Variants in NLGN1 observed in about 807,000 individuals in gnomAD.
NLGN1 encodes the protein neuroligin-1.
A neutral mutation model predicts 65.5 loss-of-function variants in NLGN1; 12 were observed. The observed-to-expected ratio is 0.18, with a 90% CI of 0.12 to 0.30. NLGN1 has a LOEUF of 0.30. NLGN1 is among the 10% of genes least tolerant of loss of function. The pLI, the probability that NLGN1 is intolerant of heterozygous loss-of-function variation, is 1.00. For synonymous variants in NLGN1, 350 were observed against 359.5 expected, an observed-to-expected ratio of 0.97 and a Z score of 0.30; for missense variants, 750 against 1,007.1, an observed-to-expected ratio of 0.74 and a Z score of 3.46.
chr3:174,244,186 CTATTTT>C (rs1440147492), intron 4 of NLGN1, among the ~76,000 whole-genome samples: 1 of 152,104 alleles, frequency 6.6e-6, no homozygotes, highest in African/African-American at 2.4e-5. Context: ...TCCAATAAAG[CTATTTT>C]TATTTATTAA....
At chr3:173,999,616 C>T (rs1423864521) in intron 4 of NLGN1, among the ~76,000 whole-genome samples, 3 of 152,102 alleles carry the variant, frequency 2.0e-5, no homozygotes, top group Non-Finnish European at 4.4e-5. Flanking sequence ...TCATTTTTAA[C>T]AAAGTCCTAA....
At chr3:173,766,212 C>T (rs1778769543) in intron 3 of NLGN1, among the ~76,000 whole-genome samples, 2 of 151,850 alleles carry the variant, frequency 1.3e-5, no homozygotes, top group Non-Finnish European at 2.9e-5. Context: ...CCTCAGCCTC[C>T]CGAGTAGGTG....
At chr3:173,908,212 A>G (rs901355529) in intron 4 of NLGN1, among the ~76,000 whole-genome samples, 1 of 152,248 alleles carries the variant, frequency 6.6e-6, no homozygotes, top group African/African-American at 2.4e-5. Flanking sequence ...GTTTGATTGC[A>G]GTAAAAACAT....
At chr3:174,210,970 CCGCGGACCCT>C (rs1236078730) in intron 4 of NLGN1, among the ~76,000 whole-genome samples, 4 of 152,130 alleles carry the variant, frequency 2.6e-5, no homozygotes, top group Admixed American at 6.5e-5. Flanking sequence ...AAGAATGAAG[CCGCGGACCCT>C]CGCGGTGAGT....
At chr3:173,561,567 ATGGC>A (rs1338174256) in intron 2 of NLGN1, among the ~76,000 whole-genome samples, 1 of 152,172 alleles carries the variant, frequency 6.6e-6, no homozygotes, top group Non-Finnish European at 1.5e-5. Context: ...AGAAAACATA[ATGGC>A]AAAAATTAAA....
At chr3:173,935,453 G>A (rs1330999015) in intron 4 of NLGN1, among the ~76,000 whole-genome samples, 1 of 151,628 alleles carries the variant, frequency 6.6e-6, no homozygotes, top group Non-Finnish European at 1.5e-5. Flanking sequence ...TTACTGCCCT[G>A]CATGTCAGTA....
intron 4 of NLGN1, among the ~76,000 whole-genome samples, chr3:174,238,561 CCA>C (rs1742176324): frequency 6.6e-6 from 1 of 152,120 alleles, no homozygotes; most frequent in Admixed American, 6.5e-5. Context: ...TGGGGTTTTA[CCA>C]CGTTGGCCCG....
In NLGN1 at chr3:173,825,725, T is replaced by A. The variant is rs1304030450; in HGVS notation, c.646+17893T>A. On this transcript the variant is annotated intron_variant, in intron 4 of 6. Coordinates refer to ENST00000457714, the Ensembl canonical transcript of NLGN1. ...TAAGAAATGGTAAAATTAAAATAAC[T>A]ATATTCATCATTTTGATCTTTTATA... Among the ~76,000 whole-genome samples, 4 of 152,094 alleles carry A rather than the reference T, an allele frequency of 2.6e-5. No homozygotes were observed. The East Asian group carries it at 5.8e-4, about 22-fold the overall frequency.
intron 4 of NLGN1, among the ~76,000 whole-genome samples, chr3:174,049,105 GGGA>G: frequency 6.6e-6 from 1 of 152,166 alleles, no homozygotes; most frequent in Admixed American, 6.6e-5. Flanking sequence ...GATTAAAGAA[GGGA>G]GGAGGAGTAA....
chr3:173,447,614 G>A (rs1026417231), intron 2 of NLGN1, among the ~76,000 whole-genome samples: 1 of 152,182 alleles, frequency 6.6e-6, no homozygotes, highest in Non-Finnish European at 1.5e-5. Flanking sequence ...TTGGTAGCTT[G>A]ATGGGGATGG....
intron 3 of NLGN1, among the ~76,000 whole-genome samples, chr3:173,630,355 T>C (rs1161936238): frequency 6.6e-6 from 1 of 152,138 alleles, no homozygotes; most frequent in African/African-American, 2.4e-5. Context: ...TCTGATTTTC[T>C]TTAATTTGGG....
chr3:174,106,960 A>G (rs1040415598), intron 4 of NLGN1, among the ~76,000 whole-genome samples: 10 of 149,828 alleles, frequency 6.7e-5, no homozygotes, highest in Admixed American at 2.0e-4. Context: ...TATTGATTCA[A>G]ATGACAATCT....
At chr3:174,175,722 T>A (rs1437131623) in intron 4 of NLGN1, among the ~76,000 whole-genome samples, 1 of 151,940 alleles carries the variant, frequency 6.6e-6, no homozygotes, top group Non-Finnish European at 1.5e-5. Flanking sequence ...AGGTACAATT[T>A]TTTTCACCAT....
At chr3:174,008,040 C>G (rs984897356) in intron 4 of NLGN1, among the ~76,000 whole-genome samples, 5 of 151,768 alleles carry the variant, frequency 3.3e-5, no homozygotes, top group African/African-American at 4.8e-5. Flanking sequence ...TGTATTTGCC[C>G]TAAGAATGAA....
At chr3:173,820,509 C>A (rs752918892) in intron 4 of NLGN1, among the ~76,000 whole-genome samples, 8 of 152,180 alleles carry the variant, frequency 5.3e-5, no homozygotes, top group Non-Finnish European at 8.8e-5. Flanking sequence ...TCAAAACGCT[C>A]AGTGACTCTC....
At chr3:174,001,631 T>C (rs1479719095) in intron 4 of NLGN1, among the ~76,000 whole-genome samples, 1 of 152,202 alleles carries the variant, frequency 6.6e-6, no homozygotes, top group Non-Finnish European at 1.5e-5. Context: ...TGACCTTGTT[T>C]CCTCATCAAT....
intron 3 of NLGN1, among the ~76,000 whole-genome samples, chr3:173,649,047 G>C (rs1490102955): frequency 6.6e-6 from 1 of 152,080 alleles, no homozygotes; most frequent in Non-Finnish European, 1.5e-5. Flanking sequence ...TGTGAAATAA[G>C]CATAAAATGG....
At chr3:173,914,095 A>G (rs1740226763) in intron 4 of NLGN1, among the ~76,000 whole-genome samples, 1 of 152,182 alleles carries the variant, frequency 6.6e-6, no homozygotes, top group Non-Finnish European at 1.5e-5. Context: ...TACAATACAC[A>G]GTTGATATAT....
chr3:173,419,850 G>A (rs1234313703), intron 1 of NLGN1, among the ~76,000 whole-genome samples: 2 of 152,018 alleles, frequency 1.3e-5, no homozygotes, highest in Admixed American at 1.3e-4. Flanking sequence ...GTGTGTGCCT[G>A]TAGTCCCAGC....
Sources: gnomAD v4.1 joint callset for allele counts (sites outside exome capture counted in the v4.1 genomes callset) on GRCh38, gnomAD v4.1.1 for gene constraint, MANE v1.5 for transcripts, NCBI Gene and HGNC (gene_info 2026-07-23, HGNC 2026-07-21) for gene names.